The following GRM5 variants were observed in gnomAD, a reference collection of about 807,000 sequenced individuals.
The protein encoded by GRM5 is glutamate metabotropic receptor 5, also known as metabotropic glutamate receptor 5.
A neutral mutation model predicts 83.1 loss-of-function variants in GRM5; 19 were observed. That is an observed-to-expected ratio of 0.23 (90% CI 0.16 to 0.34). The LOEUF is 0.34. GRM5 is among the 10% of genes least tolerant of loss of function. The pLI is 1.00. For synonymous variants in GRM5, 675 were observed against 633.6 expected (o/e 1.07, Z -0.98); for missense variants, 1,160 against 1,588.3 (o/e 0.73, Z 4.58).
At chr11:88,644,831 C>G (rs2135291996) in intron 4 of GRM5, among the ~76,000 whole-genome samples, 1 of 152,080 alleles carries the variant, frequency 6.6e-6, no homozygotes, top group South Asian at 2.1e-4. Context: ...GAGAATTAAG[C>G]ACCACAGTGG....
intron 1 of GRM5, among the ~76,000 whole-genome samples, chr11:89,056,604 T>C (rs1311079615): frequency 1.3e-5 from 2 of 152,284 alleles, no homozygotes; most frequent in East Asian, 1.9e-4. Flanking sequence ...CTTTAGGTTA[T>C]AGCTTTTAGA....
intron 3 of GRM5, among the ~76,000 whole-genome samples, chr11:88,755,316 T>A (rs75277488): frequency 0.053 from 8,057 of 152,028 alleles, 399 homozygotes; most frequent in Admixed American, 0.16. Flanking sequence ...GGAAAAAACA[T>A]AAAGTAGAAC....
chr11:88,616,111 G>A (rs915670935), intron 4 of GRM5, among the ~76,000 whole-genome samples: 1 of 152,106 alleles, frequency 6.6e-6, no homozygotes, highest in African/African-American at 2.4e-5. Context: ...AGCAGACTGA[G>A]ATGATACTTA....
intron 2 of GRM5, among the ~76,000 whole-genome samples, chr11:88,934,081 CA>C (rs1281577058): frequency 6.6e-6 from 1 of 151,528 alleles, no homozygotes; most frequent in Non-Finnish European, 1.5e-5. Context: ...AAAAAGCAAA[CA>C]AAAAATCTTC....
rs56115415 is a variant in GRM5 at position 88,597,176 on chromosome 11, C to A, written c.1563+8G>T. 1.3e-6 allele frequency: 2 copies of A among 1,510,124 alleles called. No homozygotes were observed. Among genetic ancestry groups the A allele is most frequent in the Admixed American group, 2.3e-5 (1 of 44,164 alleles). The allele number at this position is 1,510,124 out of a possible 1,614,324, so 93.5% of individuals were successfully genotyped here. ...ACAAAAATGAAAGAAACATAGATTC[C>A]ATTTTACCTTGATCTGGCCTTTCTC... is the stretch of plus-strand genomic sequence containing the variant. On this transcript the variant is annotated splice_region_variant and intron_variant, in intron 6 of 9. Coordinates refer to ENST00000305447, the MANE Select transcript of GRM5 (RefSeq NM_001143831.3).
At chr11:89,006,037 G>T (rs1461814406) in intron 2 of GRM5, among the ~76,000 whole-genome samples, 4 of 152,066 alleles carry the variant, frequency 2.6e-5, no homozygotes, top group Non-Finnish European at 4.4e-5. Context: ...GGCGTCCAGG[G>T]GTTTGAAACA....
At chr11:89,004,392 G>A (rs1220424949) in intron 2 of GRM5, among the ~76,000 whole-genome samples, 1 of 152,058 alleles carries the variant, frequency 6.6e-6, no homozygotes, top group Non-Finnish European at 1.5e-5. Context: ...AAATGACATT[G>A]AACTTCTCAA....
chr11:88,528,074 T>G lies in GRM5; in HGVS notation c.2631-2670A>C, dbSNP rs1304556835. Among the ~76,000 whole-genome samples, 18 of 149,216 alleles carry G rather than the reference T, an allele frequency of 1.2e-4. No individual in the cohort carries two copies. In the Admixed American group the frequency reaches 1.2e-3, roughly 10 times the overall value. On this transcript the variant is annotated intron_variant, in intron 8 of 9. Transcript: ENST00000305447. ...TAAAACAAACCTGCACATATACCCC[T>G]GAACCTAAAAGTTTAGAAAAACCAT...
intron 2 of GRM5, among the ~76,000 whole-genome samples, chr11:88,908,217 T>C (rs1352959858): frequency 1.3e-5 from 2 of 152,152 alleles, no homozygotes; most frequent in Non-Finnish European, 2.9e-5. Flanking sequence ...TTTGTCCATC[T>C]TGCAAACCTA....
intron 5 of GRM5, among the ~76,000 whole-genome samples, chr11:88,598,609 T>C (rs558248151): frequency 6.6e-6 from 1 of 152,314 alleles, no homozygotes; most frequent in Non-Finnish European, 1.5e-5. Context: ...CAATTATCCT[T>C]TGGCCTCTGT....
intron 7 of GRM5, among the ~76,000 whole-genome samples, chr11:88,582,027 C>T (rs1335069983): frequency 6.6e-6 from 1 of 152,168 alleles, no homozygotes; most frequent in African/African-American, 2.4e-5. Flanking sequence ...CATCCTAGCA[C>T]TTTCTTTCCT....
At chr11:88,693,240 G>A (rs1355319884) in intron 3 of GRM5, among the ~76,000 whole-genome samples, 1 of 152,042 alleles carries the variant, frequency 6.6e-6, no homozygotes, top group Admixed American at 6.6e-5. Flanking sequence ...CTTATAAATG[G>A]GTGAGAGAAA....
chr11:88,662,919 A>G (rs1939943661), intron 3 of GRM5, among the ~76,000 whole-genome samples: 1 of 152,218 alleles, frequency 6.6e-6, no homozygotes, highest in South Asian at 2.1e-4. Flanking sequence ...GCAGTTCGCC[A>G]ATACCCTGAC....
intron 9 of GRM5, among the ~76,000 whole-genome samples, chr11:88,509,781 T>A (rs1379150688): frequency 6.6e-6 from 1 of 152,116 alleles, no homozygotes; most frequent in Non-Finnish European, 1.5e-5. Context: ...GAAGGAGTGT[T>A]TATTAGGATT....
rs560192115 is a variant in GRM5, at chr11:88,644,293, T to C, written c.1147+8875A>G. Among the ~76,000 whole-genome samples the C allele has an allele frequency of 4.0e-4, 61 of 152,254 alleles. 1 individual carries two copies. Among genetic ancestry groups the C allele is most frequent in the South Asian group, 4.1e-4 (2 of 4,828 alleles). On this transcript the variant is annotated intron_variant, in intron 4 of 9. Coordinates refer to ENST00000305447, the MANE Select transcript of GRM5 (RefSeq NM_001143831.3). ...ACCCAGAGTCCCTGCATCCCACAAA[T>C]TGGGGACTGCGGTCCTAGGTCCTCT...
At chr11:88,597,696 G>T (rs1012908780) in intron 5 of GRM5, among the ~76,000 whole-genome samples, 1 of 152,042 alleles carries the variant, frequency 6.6e-6, no homozygotes, top group African/African-American at 2.4e-5. Context: ...CTGTATTCAA[G>T]TAAAATGATA....
At chr11:88,636,589 G>A (rs1939129239) in intron 4 of GRM5, among the ~76,000 whole-genome samples, 1 of 151,876 alleles carries the variant, frequency 6.6e-6, no homozygotes, top group Admixed American at 6.6e-5. Flanking sequence ...TATTATAATA[G>A]GTTTTCTCAT....
intron 2 of GRM5, among the ~76,000 whole-genome samples, chr11:88,880,070 A>T (rs1440560124): frequency 6.6e-6 from 1 of 152,114 alleles, no homozygotes; most frequent in Non-Finnish European, 1.5e-5. Flanking sequence ...AGGAGATGGT[A>T]TGAGAATTTT....
chr11:88,974,278 G>T (rs2135010085), intron 2 of GRM5, among the ~76,000 whole-genome samples: 1 of 152,140 alleles, frequency 6.6e-6, no homozygotes, highest in Admixed American at 6.6e-5. Flanking sequence ...GTGGGCATTT[G>T]CCTTCCCAGC....
Sources: gnomAD v4.1 joint callset for allele counts (sites outside exome capture counted in the v4.1 genomes callset) on GRCh38, gnomAD v4.1.1 for gene constraint, MANE v1.5 for transcripts, NCBI Gene and HGNC (gene_info 2026-07-23, HGNC 2026-07-21) for gene names.